ZMYND8: variants seen among roughly 807,000 people sequenced by gnomAD.
ZMYND8 encodes the protein MYND-type zinc finger-containing chromatin reader ZMYND8.
Under a neutral mutation model 140.8 loss-of-function variants are expected in ZMYND8, and 37 were observed. The observed-to-expected ratio is 0.26, with a 90% CI of 0.20 to 0.35. ZMYND8 has a LOEUF of 0.35. Among genes scored for constraint, ZMYND8 ranks in the 10% least tolerant of loss-of-function variants. The pLI, the probability that ZMYND8 is intolerant of heterozygous loss-of-function variation, is 1.00. For synonymous variants in ZMYND8, 592 were observed against 597.1 expected, an observed-to-expected ratio of 0.99 and a Z score of 0.12; for missense variants, 1,068 against 1,570.0, an observed-to-expected ratio of 0.68 and a Z score of 5.40.
rs118177480 is a variant in ZMYND8, at chr20:47,344,822, T to G, written c.85+3034A>C. On this transcript the variant is annotated intron_variant, in intron 2 of 22. Transcript: ENST00000471951. ...TTAAAAGTTCATTTTAAAAATGTAA[T>G]AGAAAATTGGCCAGGCATGGTGGCA... Among the ~76,000 whole-genome samples, 10 of 152,132 alleles carry G rather than the reference T, an allele frequency of 6.6e-5. No individual in the cohort carries two copies. The East Asian group carries it at 1.9e-3, about 29-fold the overall frequency.
At chr20:47,330,861 C>T (rs2080881641) in intron 2 of ZMYND8, among the ~76,000 whole-genome samples, 1 of 152,202 alleles carries the variant, frequency 6.6e-6, no homozygotes, top group Non-Finnish European at 1.5e-5. Context: ...TTATTATACG[C>T]TCACCAGCAG....
In ZMYND8 at chr20:47,249,266, A is replaced by G. The variant is rs775461043; in HGVS notation, c.1774+21T>C. ...ATAACAATGATACTGCTGGAAAAAA[A>G]AAACAAAACCAAAGGTATACCTAAT... On this transcript the variant is annotated intron_variant, in intron 13 of 22. Coordinates refer to ENST00000471951, the MANE Select transcript of ZMYND8 (RefSeq NM_001281775.3). 27 of 1,603,912 alleles carry G rather than the reference A, an allele frequency of 1.7e-5. No homozygotes were observed. In the South Asian group the frequency reaches 2.8e-4, roughly 17 times the overall value.
At chr20:47,301,080 C>T (rs1304122978) in intron 3 of ZMYND8, among the ~76,000 whole-genome samples, 1 of 151,886 alleles carries the variant, frequency 6.6e-6, no homozygotes, top group Non-Finnish European at 1.5e-5. Flanking sequence ...CCTTTGTAAA[C>T]CAATGTTTCT....
intron 12 of ZMYND8, among the ~76,000 whole-genome samples, chr20:47,255,043 C>T (rs1458054832): frequency 2.0e-5 from 3 of 152,080 alleles, no homozygotes; most frequent in African/African-American, 4.8e-5. Flanking sequence ...ACTCAGGAGG[C>T]GGAGTCAGGC....
At chr20:47,226,283 C>G (rs1476352623) in intron 18 of ZMYND8, among the ~76,000 whole-genome samples, 1 of 152,104 alleles carries the variant, frequency 6.6e-6, no homozygotes, top group Non-Finnish European at 1.5e-5. Context: ...AGATGCTGAC[C>G]ACAAGTGAGC....
At chr20:47,252,021 G>A (rs190235037) in intron 12 of ZMYND8, among the ~76,000 whole-genome samples, 38 of 152,064 alleles carry the variant, frequency 2.5e-4, no homozygotes, top group African/African-American at 6.0e-4. Context: ...AATGCCGGGC[G>A]CAGCAGTTCA....
chr20:47,349,568 G>A lies in ZMYND8; in HGVS notation c.15-1642C>T, dbSNP rs186839423. The stretch of plus-strand genomic sequence containing the variant: ...GAAACATACACAGGTTGTCCAACTG[G>A]ATGCTGTTGATGGGTTCTGGCTTGG... On this transcript the variant is annotated intron_variant, in intron 1 of 22. Coordinates refer to ENST00000471951, the MANE Select transcript of ZMYND8 (RefSeq NM_001281775.3). Among the ~76,000 whole-genome samples, 9 of 152,280 alleles carry A rather than the reference G, an allele frequency of 5.9e-5. No homozygotes were observed. In the East Asian group the frequency reaches 1.7e-3, roughly 29 times the overall value.
intron 6 of ZMYND8, 108 bp downstream of exon 6, chr20:47,291,688 A>G: frequency 1.4e-6 from 1 of 736,672 alleles, no homozygotes; most frequent in Non-Finnish European, 2.0e-6. Flanking sequence ...TAGAGAAACA[A>G]TTTAAGATTG....
intron 1 of ZMYND8, chr20:47,356,351 GAAAA>G: frequency 7.7e-7 from 1 of 1,301,076 alleles, no homozygotes; most frequent in South Asian, 1.4e-5. Flanking sequence ...AAAAAAGAAG[GAAAA>G]AAAAAAGCTT....
At chr20:47,302,219 A>G (rs1195441275) in intron 3 of ZMYND8, among the ~76,000 whole-genome samples, 15 of 152,052 alleles carry the variant, frequency 9.9e-5, no homozygotes, top group Non-Finnish European at 2.2e-4. Context: ...GCACGCCTGT[A>G]ATGTCAGCAC....
chr20:47,255,594 G>GTGTGTGTA (rs1555924059), intron 12 of ZMYND8, among the ~76,000 whole-genome samples: 1 of 124,314 alleles, frequency 8.0e-6, no homozygotes, highest in Non-Finnish European at 1.6e-5. Flanking sequence ...GTGTGTGTGT[G>GTGTGTGTA]TATATATATA....
chr20:47,221,154 G>A (rs1476983773), intron 20 of ZMYND8, among the ~76,000 whole-genome samples, 160 bp downstream of exon 20: 1 of 152,082 alleles, frequency 6.6e-6, no homozygotes, highest in African/African-American at 2.4e-5. Flanking sequence ...ACACACGCCG[G>A]CCCAGGCTCC....
chr20:47,263,841 G>A (rs926067341), intron 11 of ZMYND8, among the ~76,000 whole-genome samples: 1 of 152,194 alleles, frequency 6.6e-6, no homozygotes, highest in African/African-American at 2.4e-5. Flanking sequence ...CATGCAGTAA[G>A]TACTCTGTTA....
intron 11 of ZMYND8, among the ~76,000 whole-genome samples, chr20:47,274,847 T>A (rs1016467343): frequency 1.3e-5 from 2 of 151,972 alleles, no homozygotes; most frequent in Non-Finnish European, 2.9e-5. Flanking sequence ...AGAAAAAAAA[T>A]TTCCCAAGAA....
Position 47,355,575 on chromosome 20 carries a change from C to CA in ZMYND8, c.14+1081dup, listed in dbSNP as rs1056537562. 4 of 822,180 alleles carry CA rather than the reference C, an allele frequency of 4.9e-6. No individual in the cohort carries two copies. In the African/African-American group the frequency reaches 5.6e-5, roughly 11 times the overall value. 50.9% of individuals were successfully genotyped at this position (822,180 alleles called of 1,614,324 possible). A position where few individuals can be genotyped will look rare whatever the true frequency, so the allele number is the denominator to read the frequency against. On this transcript the variant is annotated intron_variant, in intron 1 of 22. Coordinates refer to ENST00000471951, the MANE Select transcript of ZMYND8 (RefSeq NM_001281775.3). Reference sequence around the variant, plus strand: ...GTTACATGGTATTATTAAAAACACACACAACAACAACAACACAACCCAACA... The same window carrying CA: ...GTTACATGGTATTATTAAAAACACACAACAACAACAACAACACAACCCAACA...
intron 21 of ZMYND8, among the ~76,000 whole-genome samples, chr20:47,219,737 T>C (rs1023012151): frequency 1.3e-5 from 2 of 152,060 alleles, no homozygotes; most frequent in African/African-American, 2.4e-5. Context: ...AAAACCTAGA[T>C]GTCAAGTCTC....
intron 8 of ZMYND8, among the ~76,000 whole-genome samples, chr20:47,284,861 C>G (rs2076824044): frequency 6.6e-6 from 1 of 152,098 alleles, no homozygotes; most frequent in Non-Finnish European, 1.5e-5. Context: ...TTAGGGTAAG[C>G]TGCTTCTCTT....
Position 47,238,997 on chromosome 20 carries a change from GCCGTGACGGTGA to G in ZMYND8, c.2414_2425del (p.Val805_Thr808del), listed in dbSNP as rs2039609207. 2.5e-6 allele frequency: 4 copies of G among 1,608,672 alleles called. No individual in the cohort carries two copies. The highest frequency in any genetic ancestry group is 3.4e-6 in the Non-Finnish European group (4 of 1,175,706). ...GCTTCCTGTGGCGGCGGGGGCCGGG[GCCGTGACGGTGA>G]CCGTGGAGGACGTGCTGGTGGTGGC... On this transcript the variant is annotated inframe_deletion, in exon 15 of 23. Coordinates refer to ENST00000471951, the MANE Select transcript of ZMYND8 (RefSeq NM_001281775.3).
At chr20:47,279,571 C>A (rs2076474685) in intron 10 of ZMYND8, among the ~76,000 whole-genome samples, 1 of 151,922 alleles carries the variant, frequency 6.6e-6, no homozygotes, top group Non-Finnish European at 1.5e-5. Flanking sequence ...AGAGTCTCTG[C>A]GGGGGACAAT....
Sources: allele counts gnomAD v4.1 joint callset (sites outside exome capture counted in the v4.1 genomes callset), GRCh38; gene constraint gnomAD v4.1.1; transcripts MANE v1.5; gene names NCBI Gene and HGNC (gene_info 2026-07-23, HGNC 2026-07-21).